Variants in YTHDC2 observed in about 807,000 individuals in gnomAD.
The protein encoded by YTHDC2 is YTH N6-methyladenosine RNA binding protein C2.
A neutral mutation model predicts 174.9 loss-of-function variants in YTHDC2; 45 were observed. The ratio of observed to expected loss-of-function variants is 0.26; its 90% confidence interval spans 0.20 to 0.33. The LOEUF (loss-of-function observed/expected upper bound fraction) is 0.33. Among genes scored for constraint, YTHDC2 ranks in the 10% least tolerant of loss-of-function variants. YTHDC2 has a pLI of 1.00. For synonymous variants in YTHDC2, 657 were observed against 574.5 expected, an observed-to-expected ratio of 1.14 and a Z score of -2.05; for missense variants, 1,650 against 1,723.7, an observed-to-expected ratio of 0.96 and a Z score of 0.76.
chr5:113,523,040 T>G (rs1250241758), intron 2 of YTHDC2, among the ~76,000 whole-genome samples: 1 of 152,146 alleles, frequency 6.6e-6, no homozygotes, highest in Non-Finnish European at 1.5e-5. Flanking sequence ...ATCTAACTTA[T>G]TATTTCAGTT....
chr5:113,554,142 T>G, intron 16 of YTHDC2, 120 bp downstream of exon 16: 1 of 889,748 alleles, frequency 1.1e-6, no homozygotes, highest in Non-Finnish European at 1.6e-6. Context: ...CAAGACAGCT[T>G]GGACCAGCGC....
chr5:113,522,120 T>A (rs2112536699), intron 2 of YTHDC2, among the ~76,000 whole-genome samples: 1 of 142,658 alleles, frequency 7.0e-6, no homozygotes, highest in Admixed American at 7.8e-5. Context: ...ATCAAATGAA[T>A]GCCTGTTTTT....
intron 7 of YTHDC2, among the ~76,000 whole-genome samples, chr5:113,537,031 A>C (rs1775127696): frequency 6.6e-6 from 1 of 152,106 alleles, no homozygotes; most frequent in Non-Finnish European, 1.5e-5. Context: ...TTGGATATTC[A>C]AGTTGGTTCT....
chr5:113,540,950 CT>C lies in YTHDC2; in HGVS notation c.1211-15del. Reference sequence around the variant, plus strand: ...GAAATGATTTGTCTACATATTCTTTCTTTGATAATTAATTTAGAAGAGAAAC... The same window carrying C: ...GAAATGATTTGTCTACATATTCTTTCTTGATAATTAATTTAGAAGAGAAAC... On this transcript the variant is annotated splice_polypyrimidine_tract_variant and intron_variant, in intron 8 of 29. Coordinates refer to ENST00000161863, the MANE Select transcript of YTHDC2 (RefSeq NM_022828.5). 1 of 1,601,584 alleles carries C rather than the reference CT, an allele frequency of 6.2e-7. No individual in the cohort carries two copies. The highest frequency in any genetic ancestry group is 8.5e-7 in the Non-Finnish European group (1 of 1,173,576).
intron 26 of YTHDC2, among the ~76,000 whole-genome samples, chr5:113,588,639 T>A (rs1778821693): frequency 6.6e-6 from 1 of 151,156 alleles, no homozygotes; most frequent in African/African-American, 2.5e-5. Context: ...TTATTTTTTT[T>A]TGAGACAGAG....
intron 12 of YTHDC2, among the ~76,000 whole-genome samples, chr5:113,550,117 GA>G (rs5870546): frequency 0.32 from 47,617 of 148,788 alleles, 9,929 homozygotes; most frequent in African/African-American, 0.58. Flanking sequence ...AATTGGGGGA[GA>G]AAAAAAAAAC....
At chr5:113,537,643 T>C (rs1289421078) in intron 7 of YTHDC2, among the ~76,000 whole-genome samples, 1 of 151,916 alleles carries the variant, frequency 6.6e-6, no homozygotes, top group Non-Finnish European at 1.5e-5. Context: ...GTATTGGAGA[T>C]GCATAGTTTT....
At chr5:113,535,913 C>A in intron 7 of YTHDC2, 115 bp downstream of exon 7, 1 of 810,060 alleles carries the variant, frequency 1.2e-6, no homozygotes. Flanking sequence ...TATTACCGTT[C>A]CACCTGAGAT....
rs148881313 is a variant in YTHDC2 at position 113,524,298 on chromosome 5, G to A, written c.279-683G>A. ...CACTATACCTACTACTCTTAGAGCC[G>A]CAGAAGTCATGAAAGATATGCTCAG... On this transcript the variant is annotated intron_variant, in intron 2 of 29. Transcript: ENST00000161863. 1.2e-4 allele frequency among the ~76,000 whole-genome samples: 18 copies of A among 152,234 alleles called. No homozygotes were observed. In the South Asian group the frequency reaches 2.1e-3, roughly 18 times the overall value.
rs368990777 is a variant in YTHDC2 at position 113,523,306 on chromosome 5, C to T, written c.279-1675C>T. On this transcript the variant is annotated intron_variant, in intron 2 of 29. Coordinates refer to ENST00000161863, the MANE Select transcript of YTHDC2 (RefSeq NM_022828.5). ...GTGTCAGAGAAGTAAAATGATTTGC[C>T]GTTGATCATGTAACTGCTTGAAAGT... Among the ~76,000 whole-genome samples the T allele has an allele frequency of 3.9e-5, 6 of 152,050 alleles. No homozygotes were observed. The South Asian group carries it at 8.3e-4, about 21-fold the overall frequency.
Position 113,563,415 on chromosome 5 carries a change from C to G in YTHDC2, c.2365C>G (p.Pro789Ala), listed in dbSNP as rs1332495560. Reference protein sequence around the residue: ...HTKLLAPVNCPIADFLMKAPE... With the variant: ...HTKLLAPVNCAIADFLMKAPE... ...CAAGCTGTTAGCCCCAGTTAATTGT[C>G]CCATTGCTGATTTTCTTATGAAAGC... The change falls in exon 19 of 30, where the codon CCC becomes GCC. Residue 789 changes from proline (P) to alanine (A), a missense_variant. This residue lies in a region of YTHDC2 where 913 missense variants were observed against 940.4 expected (regional missense o/e 0.97). Transcript: ENST00000161863. The G allele has an allele frequency of 2.5e-6, 4 of 1,611,392 alleles. No individual in the cohort carries two copies. The highest frequency in any genetic ancestry group is 1.3e-5 in the African/African-American group (1 of 74,852).
chr5:113,580,573 G>T (rs866562025), intron 24 of YTHDC2, among the ~76,000 whole-genome samples: 1 of 152,064 alleles, frequency 6.6e-6, no homozygotes, highest in Non-Finnish European at 1.5e-5. Context: ...TACTATTTTA[G>T]CATCCATTCA....
intron 18 of YTHDC2, among the ~76,000 whole-genome samples, chr5:113,561,956 G>GT (rs1491551947): frequency 5.1e-4 from 69 of 134,326 alleles, no homozygotes; most frequent in African/African-American, 9.4e-4. Context: ...TATTAATTGT[G>GT]GGTGTGTGTG....
chr5:113,583,152 A>C (rs1778494008), intron 25 of YTHDC2: 1 of 152,200 alleles, frequency 6.6e-6, no homozygotes, highest in Non-Finnish European at 1.5e-5. Flanking sequence ...ATTCAAAGGA[A>C]TCAATAATTT....
At chr5:113,550,823 G>A (rs912511026) in intron 12 of YTHDC2, among the ~76,000 whole-genome samples, 4 of 151,796 alleles carry the variant, frequency 2.6e-5, no homozygotes, top group Admixed American at 1.3e-4. Context: ...AAAACCAATC[G>A]AATTAATTGT....
At chr5:113,573,456 A>C (rs977134534) in intron 23 of YTHDC2, among the ~76,000 whole-genome samples, 3 of 151,676 alleles carry the variant, frequency 2.0e-5, no homozygotes, top group Non-Finnish European at 2.9e-5. Context: ...CTTGGGGTTG[A>C]TCTTCTCATG....
intron 4 of YTHDC2, among the ~76,000 whole-genome samples, chr5:113,531,377 A>G (rs1042532063): frequency 1.3e-5 from 2 of 152,106 alleles, no homozygotes; most frequent in Non-Finnish European, 2.9e-5. Context: ...GCTCACATTT[A>G]TTCAGTATAG....
intron 3 of YTHDC2, 34 bp downstream of exon 3, chr5:113,525,211 C>T: frequency 5.4e-6 from 8 of 1,488,718 alleles, no homozygotes; most frequent in Non-Finnish European, 6.3e-6. Context: ...CTCATTTACC[C>T]TATTATTTGA....
chr5:113,535,744 G>T lies in YTHDC2; in HGVS notation c.1048G>T (p.Ala350Ser). The change falls in exon 7 of 30, where the codon GCC becomes TCC. Residue 350 changes from alanine (A) to serine (S), a missense_variant. Ala to Ser is a moderately conservative substitution (Grantham distance 99). Around this residue, in one of 5 missense-constraint regions of YTHDC2, gnomAD observed 411 missense variants for 380.6 expected, o/e 1.08. Coordinates refer to ENST00000161863, the MANE Select transcript of YTHDC2 (RefSeq NM_022828.5). The stretch of plus-strand genomic sequence containing the variant: ...TTTGAAACTAATTCTTTCTAGTGCT[G>T]CCTTGGATGTAAATCTCTTTATAAG... ...PTLKLILSSA[A>S]LDVNLFIRYF... 1 of 1,613,588 alleles carries T rather than the reference G, an allele frequency of 6.2e-7. No homozygotes were observed. The highest frequency in any genetic ancestry group is 1.7e-4 in the Middle Eastern group (1 of 6,046).
Sources: allele counts gnomAD v4.1 joint callset (sites outside exome capture counted in the v4.1 genomes callset), GRCh38; gene constraint gnomAD v4.1.1; regional missense constraint gnomAD v4.1.1; transcripts MANE v1.5; gene names NCBI Gene and HGNC (gene_info 2026-07-23, HGNC 2026-07-21).